Variants in SEMA3E observed in about 807,000 individuals in gnomAD.
The protein encoded by SEMA3E is semaphorin-3E.
In SEMA3E, 49 loss-of-function variants were observed where a neutral mutation model predicts 93.6. The observed-to-expected ratio is 0.52, with a 90% confidence interval of 0.42 to 0.66. The LOEUF (loss-of-function observed/expected upper bound fraction) is 0.66, where lower values mean the gene tolerates loss of function less well. Ranked by LOEUF, SEMA3E falls within the 30% of genes least tolerant of loss-of-function variation. The pLI is 0.00. For missense variants in SEMA3E, 906 were observed against 964.8 expected (o/e 0.94, Z 0.81); for synonymous variants, 363 against 330.7 (o/e 1.10, Z -1.06).
chr7:83,410,274 G>A (rs1788412471), intron 5 of SEMA3E, among the ~76,000 whole-genome samples: 1 of 151,800 alleles, frequency 6.6e-6, no homozygotes, highest in Admixed American at 6.6e-5. Context: ...CAAGGTAAAT[G>A]GTATACAGGT....
At chr7:83,411,470 C>T (rs573909560) in intron 5 of SEMA3E, among the ~76,000 whole-genome samples, 1 of 151,920 alleles carries the variant, frequency 6.6e-6, no homozygotes, top group East Asian at 1.9e-4. Flanking sequence ...CATATCAATG[C>T]AAATTTAAAA....
chr7:83,563,127 C>A (rs1233664147), intron 1 of SEMA3E, among the ~76,000 whole-genome samples: 4 of 152,146 alleles, frequency 2.6e-5, no homozygotes, highest in African/African-American at 9.7e-5. Flanking sequence ...AGGATCTGAT[C>A]ATTGGCCAGC....
At chr7:83,507,472 G>A (rs1264238724) in intron 1 of SEMA3E, among the ~76,000 whole-genome samples, 1 of 149,730 alleles carries the variant, frequency 6.7e-6, no homozygotes, top group African/African-American at 2.5e-5. Flanking sequence ...GTGTGTGTGT[G>A]TGAAAGGGAG....
At chr7:83,429,992 T>C (rs1381653911) in intron 4 of SEMA3E, among the ~76,000 whole-genome samples, 1 of 152,194 alleles carries the variant, frequency 6.6e-6, no homozygotes, top group Non-Finnish European at 1.5e-5. Flanking sequence ...ATTATTTACA[T>C]TGTATTGTGA....
intron 1 of SEMA3E, among the ~76,000 whole-genome samples, chr7:83,615,372 T>C (rs1793343542): frequency 6.6e-6 from 1 of 151,978 alleles, no homozygotes; most frequent in Non-Finnish European, 1.5e-5. Context: ...GCAGACAGTG[T>C]GGGACTGAGG....
intron 1 of SEMA3E, among the ~76,000 whole-genome samples, chr7:83,582,899 T>C (rs892027313): frequency 2.0e-5 from 3 of 152,104 alleles, no homozygotes; most frequent in East Asian, 1.9e-4. Flanking sequence ...TGTATGTAAA[T>C]ATTTTGTGTA....
intron 1 of SEMA3E, among the ~76,000 whole-genome samples, chr7:83,614,328 C>G (rs937200190): frequency 5.3e-4 from 80 of 152,090 alleles, no homozygotes; most frequent in African/African-American, 1.9e-3. Context: ...TTTTCCCGTT[C>G]AAATATAACA....
chr7:83,459,624 G>GTTAAT lies in SEMA3E; in HGVS notation c.456+6853_456+6857dup, dbSNP rs202028457. On this transcript the variant is annotated intron_variant, in intron 4 of 16. Transcript: ENST00000643230. ...ACACTATGATGTATTTTGGATGTTA[G>GTTAAT]TTAATCTACAACTAGGAGTGGTTAA... Among the ~76,000 whole-genome samples, 889 of 152,240 alleles carry GTTAAT rather than the reference G, an allele frequency of 5.8e-3. 10 individuals are homozygous for GTTAAT. The highest frequency in any genetic ancestry group is 0.021 in the African/African-American group (853 of 41,558).
At chr7:83,611,458 A>G (rs1361829312) in intron 1 of SEMA3E, among the ~76,000 whole-genome samples, 1 of 148,366 alleles carries the variant, frequency 6.7e-6, no homozygotes, top group East Asian at 2.0e-4. Flanking sequence ...CTCATCTTCA[A>G]CCATTATCCC....
chr7:83,405,856 A>G, intron 8 of SEMA3E, 89 bp downstream of exon 8: 1 of 1,052,884 alleles, frequency 9.5e-7, no homozygotes, highest in Non-Finnish European at 1.5e-6. Flanking sequence ...TCAAATACAC[A>G]GAAAGCAAGT....
intron 1 of SEMA3E, among the ~76,000 whole-genome samples, chr7:83,505,932 G>A (rs930727673): frequency 2.0e-5 from 3 of 149,420 alleles, no homozygotes; most frequent in South Asian, 2.1e-4. Flanking sequence ...GGAGAATGGC[G>A]TGAACCTGGG....
intron 1 of SEMA3E, among the ~76,000 whole-genome samples, chr7:83,606,163 G>A (rs1793113021): frequency 6.6e-6 from 1 of 152,164 alleles, no homozygotes. Context: ...ACTGCTGTCT[G>A]GGATGCATTT....
At chr7:83,382,191 C>T (rs1322451408) in intron 16 of SEMA3E, among the ~76,000 whole-genome samples, 1 of 151,940 alleles carries the variant, frequency 6.6e-6, no homozygotes, top group Admixed American at 6.6e-5. Flanking sequence ...TACATAGACA[C>T]CTGGATTTGA....
chr7:83,456,523 T>C (rs1402128272), intron 4 of SEMA3E, among the ~76,000 whole-genome samples: 1 of 152,044 alleles, frequency 6.6e-6, no homozygotes, highest in Non-Finnish European at 1.5e-5. Context: ...CTACCTGCTA[T>C]TCTAAGAAAA....
chr7:83,621,192 A>G (rs954670273), intron 1 of SEMA3E, among the ~76,000 whole-genome samples: 1 of 152,130 alleles, frequency 6.6e-6, no homozygotes, highest in African/African-American at 2.4e-5. Flanking sequence ...GCATTCCTGC[A>G]CACAAACAAC....
intron 3 of SEMA3E, 35 bp from the exon 4 acceptor site, chr7:83,466,636 T>C (rs1789764966): frequency 1.2e-6 from 2 of 1,609,638 alleles, no homozygotes; most frequent in East Asian, 4.5e-5. Flanking sequence ...AATCTATCAG[T>C]ATAATAAACA....
chr7:83,539,246 T>G (rs1791468524), intron 1 of SEMA3E, among the ~76,000 whole-genome samples: 1 of 152,154 alleles, frequency 6.6e-6, no homozygotes, highest in South Asian at 2.1e-4. Context: ...CTAGTAAAAA[T>G]TCCCTTAATC....
At chr7:83,472,102 T>G (rs1789909613) in intron 2 of SEMA3E, among the ~76,000 whole-genome samples, 1 of 152,286 alleles carries the variant, frequency 6.6e-6, no homozygotes. Flanking sequence ...TCAAACAAAT[T>G]GTTACCTTTT....
chr7:83,382,484 G>A lies in SEMA3E; in HGVS notation c.1875+2810C>T, dbSNP rs148666186. 2.8e-4 allele frequency among the ~76,000 whole-genome samples: 42 copies of A among 151,998 alleles called. 1 individual carries two copies. In the East Asian group the frequency reaches 7.8e-3, roughly 28 times the overall value. On this transcript the variant is annotated intron_variant, in intron 16 of 16. Coordinates refer to ENST00000643230, the MANE Select transcript of SEMA3E (RefSeq NM_012431.3). ...TGAAGAAAATTATGTCTAACATGCAGTTGTGAGATCTAGGAATAACCTGGT... is the reference window on the plus strand; with the variant it reads ...TGAAGAAAATTATGTCTAACATGCAATTGTGAGATCTAGGAATAACCTGGT...
Sources: allele counts gnomAD v4.1 joint callset (sites outside exome capture counted in the v4.1 genomes callset), GRCh38; gene constraint gnomAD v4.1.1; transcripts MANE v1.5; gene names NCBI Gene and HGNC (gene_info 2026-07-23, HGNC 2026-07-21).